UNC5D: variants seen among roughly 807,000 people sequenced by gnomAD.
UNC5D encodes the protein unc-5 netrin receptor D.
Under a neutral mutation model 105.4 loss-of-function variants are expected in UNC5D, and 39 were observed. The ratio of observed to expected loss-of-function variants is 0.37; its 90% CI spans 0.29 to 0.48. The LOEUF (loss-of-function observed/expected upper bound fraction) is 0.48, where lower values mean the gene tolerates loss of function less well. Ranked by LOEUF, UNC5D falls within the 20% of genes least tolerant of loss-of-function variation. The probability of loss-of-function intolerance (pLI) is 0.98; values close to 1 mark genes in which losing one functional copy is unlikely to be tolerated. For missense variants in UNC5D, 991 were observed against 1,202.4 expected, an observed-to-expected ratio of 0.82 and a Z score of 2.60; for synonymous variants, 452 against 450.4, an observed-to-expected ratio of 1.00 and a Z score of -0.04.
At chr8:35,590,882 A>G (rs925560375) in intron 3 of UNC5D, among the ~76,000 whole-genome samples, 3 of 152,144 alleles carry the variant, frequency 2.0e-5, no homozygotes, top group African/African-American at 7.2e-5. Flanking sequence ...CCTGAGATCT[A>G]TGATCCAGCA....
At chr8:35,753,898 G>C (rs753024164) in intron 13 of UNC5D, among the ~76,000 whole-genome samples, 7 of 152,192 alleles carry the variant, frequency 4.6e-5, no homozygotes, top group Non-Finnish European at 1.0e-4. Flanking sequence ...CTCCGTCTTA[G>C]TTTCTGGGTT....
rs180893455 is a variant in UNC5D, at chr8:35,591,378, G to A, written c.467-4176G>A. Among the ~76,000 whole-genome samples the A allele has an allele frequency of 9.7e-4, 147 of 152,040 alleles. 1 individual carries two copies. The highest frequency in any genetic ancestry group is 8.3e-3 in the Admixed American group (127 of 15,278). ...TTGCTTGTTTTCTGCAAAAATACTT[G>A]TAAATTTACTTTTGCATTTTATTAA... On this transcript the variant is annotated intron_variant, in intron 3 of 16. Coordinates refer to ENST00000404895, the MANE Select transcript of UNC5D (RefSeq NM_080872.4).
chr8:35,275,168 A>C (rs2128841098), intron 1 of UNC5D, among the ~76,000 whole-genome samples: 1 of 151,686 alleles, frequency 6.6e-6, no homozygotes. Context: ...TGAAATAAGA[A>C]GACAAAGCTG....
intron 1 of UNC5D, among the ~76,000 whole-genome samples, chr8:35,475,588 G>C (rs1362729322): frequency 6.6e-6 from 1 of 152,148 alleles, no homozygotes; most frequent in Non-Finnish European, 1.5e-5. Flanking sequence ...TCCTCTCAAT[G>C]GGCTTGTGGG....
At chr8:35,641,911 G>A (rs1285954823) in intron 4 of UNC5D, among the ~76,000 whole-genome samples, 1 of 152,138 alleles carries the variant, frequency 6.6e-6, no homozygotes, top group Admixed American at 6.5e-5. Flanking sequence ...CCAGGTTCTT[G>A]CTTAGGTATG....
At chr8:35,394,670 T>C (rs1363241964) in intron 1 of UNC5D, among the ~76,000 whole-genome samples, 4 of 151,618 alleles carry the variant, frequency 2.6e-5, no homozygotes, top group Admixed American at 6.6e-5. Flanking sequence ...AAAGCAAATA[T>C]GAAAGCAAAA....
intron 4 of UNC5D, among the ~76,000 whole-genome samples, chr8:35,597,796 C>T (rs1819580486): frequency 6.6e-6 from 1 of 152,160 alleles, no homozygotes; most frequent in Non-Finnish European, 1.5e-5. Flanking sequence ...TAGTGACCAA[C>T]CAAAGGTCTT....
At chr8:35,578,492 T>C (rs889342498) in intron 3 of UNC5D, among the ~76,000 whole-genome samples, 1 of 152,160 alleles carries the variant, frequency 6.6e-6, no homozygotes, top group African/African-American at 2.4e-5. Flanking sequence ...GAAGCATCAA[T>C]CATATTCCCC....
At chr8:35,260,657 T>A (rs9649889) in intron 1 of UNC5D, among the ~76,000 whole-genome samples, 68,304 of 151,852 alleles carry the variant, frequency 0.45, 15,712 homozygotes, top group East Asian at 0.7. Flanking sequence ...AGAGATGGGG[T>A]TTCACCGTGT....
At chr8:35,598,762 T>G (rs1419330850) in intron 4 of UNC5D, among the ~76,000 whole-genome samples, 2 of 151,982 alleles carry the variant, frequency 1.3e-5, no homozygotes, top group African/African-American at 4.8e-5. Context: ...ACAACATGGG[T>G]GAACCAAGCA....
chr8:35,418,661 A>C (rs2128963701), intron 1 of UNC5D, among the ~76,000 whole-genome samples: 1 of 152,266 alleles, frequency 6.6e-6, no homozygotes, highest in South Asian at 2.1e-4. Context: ...AATTGGGAGA[A>C]CCTCATTAAG....
chr8:35,308,795 T>G (rs1808637985), intron 1 of UNC5D, among the ~76,000 whole-genome samples: 1 of 152,180 alleles, frequency 6.6e-6, no homozygotes, highest in African/African-American at 2.4e-5. Context: ...CAACTGTTAT[T>G]GACTATCTTT....
intron 4 of UNC5D, among the ~76,000 whole-genome samples, chr8:35,617,355 A>G (rs1052434775): frequency 6.6e-6 from 1 of 151,832 alleles, no homozygotes; most frequent in African/African-American, 2.4e-5. Flanking sequence ...GAGCATGACC[A>G]TTTTTTCTTC....
chr8:35,384,301 G>A lies in UNC5D; in HGVS notation c.103+148414G>A, dbSNP rs945651313. 4.6e-5 allele frequency among the ~76,000 whole-genome samples: 7 copies of A among 152,098 alleles called. 1 individual carries two copies. Among genetic ancestry groups the A allele is most frequent in the African/African-American group, 1.4e-4 (6 of 41,484 alleles). ...TTATAAAATTAACTCTGTTTCCCACGGTATTTAGAACAGGCTGTGCACCTA... is the reference window on the plus strand; with the variant it reads ...TTATAAAATTAACTCTGTTTCCCACAGTATTTAGAACAGGCTGTGCACCTA... On this transcript the variant is annotated intron_variant, in intron 1 of 16. Coordinates refer to ENST00000404895, the MANE Select transcript of UNC5D (RefSeq NM_080872.4).
At chr8:35,754,767 G>T (rs1388759371) in intron 13 of UNC5D, among the ~76,000 whole-genome samples, 1 of 152,092 alleles carries the variant, frequency 6.6e-6, no homozygotes, top group East Asian at 1.9e-4. Flanking sequence ...TGCTCTGGGG[G>T]TAGCTTATCT....
In UNC5D at chr8:35,579,555, A is replaced by G. The variant is rs148168527; in HGVS notation, c.466+11314A>G. ...ATGTCTGAGCTAAATCCTTAGGAAGAAGGAGGAGTAACAATTTAGAGTGAG... is the reference window on the plus strand; with the variant it reads ...ATGTCTGAGCTAAATCCTTAGGAAGGAGGAGGAGTAACAATTTAGAGTGAG... On this transcript the variant is annotated intron_variant, in intron 3 of 16. Coordinates refer to ENST00000404895, the MANE Select transcript of UNC5D (RefSeq NM_080872.4). Among the ~76,000 whole-genome samples the G allele has an allele frequency of 1.7e-3, 254 of 152,268 alleles. 2 individuals are homozygous for G. The highest frequency in any genetic ancestry group is 5.7e-3 in the African/African-American group (236 of 41,550).
At chr8:35,694,719 T>G (rs1826637957) in intron 7 of UNC5D, among the ~76,000 whole-genome samples, 1 of 149,352 alleles carries the variant, frequency 6.7e-6, no homozygotes, top group African/African-American at 2.5e-5. Context: ...GTGTGTGTGG[T>G]GTTTTGTTTT....
At chr8:35,550,261 C>T (rs1161497519) in intron 2 of UNC5D, among the ~76,000 whole-genome samples, 1 of 152,126 alleles carries the variant, frequency 6.6e-6, no homozygotes, top group Admixed American at 6.6e-5. Flanking sequence ...AACTAAGGCT[C>T]AAAGAGATTA....
chr8:35,420,779 TGTGTTGG>T (rs1805849228), intron 1 of UNC5D, among the ~76,000 whole-genome samples: 3 of 151,514 alleles, frequency 2.0e-5, no homozygotes, highest in African/African-American at 7.3e-5. Context: ...GCCATTTCAG[TGTGTTGG>T]AATAAAGTAT....
Sources: gnomAD v4.1 joint callset for allele counts (sites outside exome capture counted in the v4.1 genomes callset) on GRCh38, gnomAD v4.1.1 for gene constraint, MANE v1.5 for transcripts, NCBI Gene and HGNC (gene_info 2026-07-23, HGNC 2026-07-21) for gene names.